Variants in RIMS1 observed in about 807,000 individuals in gnomAD.
RIMS1 encodes regulating synaptic membrane exocytosis 1.
Under a neutral mutation model 214.1 loss-of-function variants are expected in RIMS1, and 83 were observed. The ratio of observed to expected loss-of-function variants is 0.39; its 90% CI spans 0.32 to 0.47. The LOEUF is 0.47. Among genes scored for constraint, RIMS1 ranks in the 20% least tolerant of loss-of-function variants. RIMS1 has a pLI of 0.99. For missense variants in RIMS1, 2,050 were observed against 2,161.8 expected, an observed-to-expected ratio of 0.95 and a Z score of 1.03; for synonymous variants, 793 against 786.8, an observed-to-expected ratio of 1.01 and a Z score of -0.13.
intron 2 of RIMS1, among the ~76,000 whole-genome samples, chr6:72,038,090 C>CAAAAAAAAAAAAA (rs869130217): frequency 4.5e-5 from 1 of 22,242 alleles, no homozygotes. Flanking sequence ...AACAAACAAG[C>CAAAAAAAAAAAAA]AAAAAAAAAA....
intron 29 of RIMS1, among the ~76,000 whole-genome samples, chr6:72,362,003 A>ATTGTG (rs2097846643): frequency 6.6e-6 from 1 of 151,960 alleles, no homozygotes; most frequent in African/African-American, 2.4e-5. Flanking sequence ...ATTGTATTGT[A>ATTGTG]TTGTATTGTA....
At chr6:72,337,333 GCA>G (rs2096875805) in intron 29 of RIMS1, among the ~76,000 whole-genome samples, 1 of 151,610 alleles carries the variant, frequency 6.6e-6, no homozygotes, top group South Asian at 2.1e-4. Flanking sequence ...GAAAATGAAG[GCA>G]TTATTGGGAA....
chr6:72,276,515 T>G (rs1216732759), intron 23 of RIMS1, among the ~76,000 whole-genome samples: 1 of 152,082 alleles, frequency 6.6e-6, no homozygotes, highest in Non-Finnish European at 1.5e-5. Flanking sequence ...GAGTAGATTT[T>G]GGGACCAGAA....
intron 1 of RIMS1, among the ~76,000 whole-genome samples, chr6:71,924,630 C>CA (rs1250868988): frequency 0.16 from 12,492 of 76,054 alleles, 751 homozygotes; most frequent in Admixed American, 0.18. Context: ...CCCATCTCTG[C>CA]AAAAAAAAAA....
intron 3 of RIMS1, among the ~76,000 whole-genome samples, chr6:72,099,506 C>T (rs564765711): frequency 1.8e-3 from 267 of 152,142 alleles, no homozygotes; most frequent in Non-Finnish European, 3.1e-3. Flanking sequence ...TTTCTCTTCC[C>T]ATTTTTATTT....
rs985999790 is a variant in RIMS1 at position 72,328,802 on chromosome 6, C to CA, written c.4131-4789dup. Among the ~76,000 whole-genome samples the CA allele has an allele frequency of 4.1e-3, 617 of 149,948 alleles. 4 individuals carry two copies. The highest frequency in any genetic ancestry group is 0.014 in the African/African-American group (582 of 40,996). ...AGTGATGTGAGTTTTTAGTAGCATT[C>CA]AAAAAAAAATACTTGCAAAAATTCT... On this transcript the variant is annotated intron_variant, in intron 28 of 33. Coordinates refer to ENST00000521978, the MANE Select transcript of RIMS1 (RefSeq NM_014989.7).
intron 6 of RIMS1, among the ~76,000 whole-genome samples, chr6:72,199,809 A>G (rs115000402): frequency 2.0e-3 from 303 of 152,276 alleles, no homozygotes; most frequent in Middle Eastern, 6.8e-3. Context: ...GTAATATTTT[A>G]AAATTAGAAA....
intron 2 of RIMS1, among the ~76,000 whole-genome samples, chr6:72,092,279 C>CCCTT (rs770644263): frequency 0.29 from 30,956 of 107,556 alleles, 4,226 homozygotes; most frequent in South Asian, 0.4. Context: ...TTCCCTCCCT[C>CCCTT]CCTCCCTCCC....
intron 2 of RIMS1, among the ~76,000 whole-genome samples, chr6:72,034,787 C>A (rs987934506): frequency 6.6e-6 from 1 of 151,918 alleles, no homozygotes; most frequent in Admixed American, 6.6e-5. Flanking sequence ...AGACGGATCC[C>A]AAGTCTTCCA....
At chr6:72,243,473 G>T (rs966252884) in intron 10 of RIMS1, among the ~76,000 whole-genome samples, 1 of 151,710 alleles carries the variant, frequency 6.6e-6, no homozygotes, top group Non-Finnish European at 1.5e-5. Flanking sequence ...TTTCCATGTA[G>T]ATTTTTAAAA....
intron 2 of RIMS1, among the ~76,000 whole-genome samples, chr6:72,040,546 G>A (rs1821155568): frequency 1.3e-5 from 2 of 151,918 alleles, no homozygotes; most frequent in South Asian, 4.2e-4. Flanking sequence ...TATATTTGGG[G>A]GACATAGGTA....
At chr6:72,265,532 G>T (rs78100490) in intron 21 of RIMS1, 29 bp downstream of exon 21, 2 of 1,280,928 alleles carry the variant, frequency 1.6e-6, no homozygotes, top group South Asian at 2.5e-5. Context: ...GATATCTTCC[G>T]TTTCCCTTGT....
intron 6 of RIMS1, among the ~76,000 whole-genome samples, chr6:72,191,925 C>G (rs567771196): frequency 6.6e-6 from 1 of 152,314 alleles, no homozygotes; most frequent in East Asian, 1.9e-4. Context: ...GCACTAATCT[C>G]TTCAGTCACT....
chr6:72,241,501 TG>T (rs2066907103), intron 9 of RIMS1, among the ~76,000 whole-genome samples: 1 of 152,170 alleles, frequency 6.6e-6, no homozygotes, highest in African/African-American at 2.4e-5. Context: ...AAATAACAAC[TG>T]TAAGTTGTTA....
intron 4 of RIMS1, among the ~76,000 whole-genome samples, chr6:72,110,308 A>G (rs1164215530): frequency 6.6e-6 from 1 of 152,174 alleles, no homozygotes; most frequent in Non-Finnish European, 1.5e-5. Context: ...GGCCATTTTC[A>G]TGATATTGAT....
chr6:72,173,597 G>A (rs1372028993), intron 4 of RIMS1, among the ~76,000 whole-genome samples: 1 of 151,470 alleles, frequency 6.6e-6, no homozygotes, highest in Non-Finnish European at 1.5e-5. Flanking sequence ...GCTCTTTTAA[G>A]GTTGACATCT....
At chr6:71,918,116 A>T (rs926795310) in intron 1 of RIMS1, among the ~76,000 whole-genome samples, 29 of 152,142 alleles carry the variant, frequency 1.9e-4, no homozygotes, top group Non-Finnish European at 2.9e-5. Flanking sequence ...CAGATTGTAG[A>T]TGTTTTAGGA....
intron 1 of RIMS1, among the ~76,000 whole-genome samples, chr6:71,889,120 G>A (rs1768777143): frequency 6.6e-6 from 1 of 152,176 alleles, no homozygotes; most frequent in African/African-American, 2.4e-5. Flanking sequence ...GAGGCCTCCA[G>A]TAGCTAGTGG....
chr6:72,231,068 A>G (rs2061786510), intron 6 of RIMS1, among the ~76,000 whole-genome samples: 1 of 151,636 alleles, frequency 6.6e-6, no homozygotes, highest in African/African-American at 2.4e-5. Context: ...AACTATTAGA[A>G]AAGTGATCAA....
Sources: allele counts gnomAD v4.1 joint callset (sites outside exome capture counted in the v4.1 genomes callset), GRCh38; gene constraint gnomAD v4.1.1; transcripts MANE v1.5; gene names NCBI Gene and HGNC (gene_info 2026-07-23, HGNC 2026-07-21).